CDK14: variants seen among roughly 807,000 people sequenced by gnomAD.
The protein encoded by CDK14 is cyclin-dependent kinase 14.
In CDK14, 34 loss-of-function variants were observed where a neutral mutation model predicts 60.7. That is an observed-to-expected ratio of 0.56 (90% CI 0.43 to 0.75). The LOEUF is 0.75. CDK14 is among the 30% of genes least tolerant of loss of function. CDK14 has a pLI of 0.00. For missense variants in CDK14, 482 were observed against 564.1 expected (o/e 0.85, Z 1.47); for synonymous variants, 197 against 203.7 (o/e 0.97, Z 0.28).
intron 10 of CDK14, among the ~76,000 whole-genome samples, chr7:90,996,967 G>A (rs1795703964): frequency 6.6e-6 from 1 of 152,140 alleles, no homozygotes; most frequent in Non-Finnish European, 1.5e-5. Flanking sequence ...GACACATATG[G>A]TGCTATTAAA....
chr7:90,892,894 T>C (rs1792179470), intron 6 of CDK14, among the ~76,000 whole-genome samples: 1 of 152,218 alleles, frequency 6.6e-6, no homozygotes, highest in Non-Finnish European at 1.5e-5. Flanking sequence ...TTCTCCTGCC[T>C]CTGCCTCCCA....
chr7:91,182,819 A>G (rs1328863516), intron 14 of CDK14, among the ~76,000 whole-genome samples: 1 of 152,146 alleles, frequency 6.6e-6, no homozygotes, highest in Non-Finnish European at 1.5e-5. Context: ...ATATTAGAAA[A>G]CCTAATTTTC....
chr7:90,983,062 A>G (rs1239045751), intron 9 of CDK14, among the ~76,000 whole-genome samples: 1 of 152,192 alleles, frequency 6.6e-6, no homozygotes, highest in Non-Finnish European at 1.5e-5. Flanking sequence ...GATGCTGGCA[A>G]GGCTACAGAG....
At chr7:91,032,231 T>C (rs969329648) in intron 10 of CDK14, among the ~76,000 whole-genome samples, 3 of 152,186 alleles carry the variant, frequency 2.0e-5, no homozygotes, top group African/African-American at 7.2e-5. Context: ...TTATGAGAAG[T>C]TGTTATTCCT....
At chr7:90,924,900 T>A (rs1793368329) in intron 8 of CDK14, among the ~76,000 whole-genome samples, 1 of 152,180 alleles carries the variant, frequency 6.6e-6, no homozygotes, top group Non-Finnish European at 1.5e-5. Context: ...GAATAATTTC[T>A]TCTGTGGTAA....
chr7:90,597,634 C>T (rs995929852), intron 1 of CDK14, among the ~76,000 whole-genome samples: 3 of 152,162 alleles, frequency 2.0e-5, no homozygotes, highest in African/African-American at 7.2e-5. Context: ...TAGGAAGCTG[C>T]CTAGTCTTTG....
In CDK14 at chr7:90,649,433, CT is replaced by C. The variant is rs1563030206; in HGVS notation, c.123+45185del. Among the ~76,000 whole-genome samples, 28 of 68,012 alleles carry C rather than the reference CT, an allele frequency of 4.1e-4. 1 individual carries two copies. Among genetic ancestry groups the C allele is most frequent in the African/African-American group, 9.2e-4 (14 of 15,180 alleles). 44.6% of individuals were successfully genotyped at this position (68,012 alleles called of 152,430 possible). A position where few individuals can be genotyped will look rare whatever the true frequency, so the allele number is the denominator to read the frequency against. On this transcript the variant is annotated intron_variant, in intron 2 of 14. Transcript: ENST00000380050. The stretch of plus-strand genomic sequence containing the variant: ...TCTTTCTTTCTTTCCTTCTTTCTTT[CT>C]CTTTCCTTCCTTCTTTCCTTCTTTA...
At chr7:90,647,408 A>G (rs989941599) in intron 2 of CDK14, among the ~76,000 whole-genome samples, 9 of 152,178 alleles carry the variant, frequency 5.9e-5, no homozygotes, top group African/African-American at 1.9e-4. Context: ...GTTTCAGTCT[A>G]TAAGTGAATC....
intron 9 of CDK14, among the ~76,000 whole-genome samples, chr7:90,957,561 GACAA>G (rs968663786): frequency 3.3e-5 from 5 of 151,742 alleles, no homozygotes; most frequent in Non-Finnish European, 5.9e-5. Flanking sequence ...ACCAACAACA[GACAA>G]ACAGAGAGCC....
At chr7:90,877,330 A>G (rs768672467) in intron 6 of CDK14, among the ~76,000 whole-genome samples, 1 of 152,226 alleles carries the variant, frequency 6.6e-6, no homozygotes, top group Non-Finnish European at 1.5e-5. Context: ...TCTAGTGAGT[A>G]ATTTACTCCT....
chr7:90,994,270 C>T (rs895082906), intron 10 of CDK14, among the ~76,000 whole-genome samples: 45 of 152,292 alleles, frequency 3.0e-4, no homozygotes, highest in African/African-American at 9.4e-4. Flanking sequence ...TCTTCAGAGT[C>T]TTAGGGCTCT....
intron 11 of CDK14, among the ~76,000 whole-genome samples, chr7:91,072,060 C>T (rs912530965): frequency 2.6e-5 from 4 of 152,204 alleles, no homozygotes; most frequent in Admixed American, 6.5e-5. Context: ...ATAGTCTCTG[C>T]AGACCAGCAG....
chr7:91,077,743 TACACAC>T (rs36101608), intron 11 of CDK14, among the ~76,000 whole-genome samples: 3,126 of 148,334 alleles, frequency 0.021, 76 homozygotes, highest in African/African-American at 0.06. Flanking sequence ...TTCACTTTTA[TACACAC>T]ACACACACAC....
chr7:90,952,317 T>A (rs765937605), intron 8 of CDK14, among the ~76,000 whole-genome samples: 1 of 152,138 alleles, frequency 6.6e-6, no homozygotes, highest in Non-Finnish European at 1.5e-5. Flanking sequence ...CAGCAGATAT[T>A]ATCTATAAGA....
intron 10 of CDK14, among the ~76,000 whole-genome samples, chr7:91,033,610 G>A (rs1014766591): frequency 6.6e-6 from 1 of 152,210 alleles, no homozygotes; most frequent in Non-Finnish European, 1.5e-5. Context: ...CACACTTTGA[G>A]CAGCAGGGCT....
At chr7:90,620,090 T>A (rs1045450292) in intron 2 of CDK14, among the ~76,000 whole-genome samples, 4 of 152,186 alleles carry the variant, frequency 2.6e-5, no homozygotes, top group Admixed American at 2.6e-4. Flanking sequence ...ATTAAATGTT[T>A]CTGTAATACA....
At chr7:91,043,841 C>G (rs564553808) in intron 10 of CDK14, among the ~76,000 whole-genome samples, 1 of 152,126 alleles carries the variant, frequency 6.6e-6, no homozygotes, top group African/African-American at 2.4e-5. Context: ...TGTATTTAAT[C>G]CTGATTCACC....
chr7:90,791,626 A>G (rs546166883), intron 5 of CDK14, among the ~76,000 whole-genome samples: 3 of 152,238 alleles, frequency 2.0e-5, no homozygotes, highest in East Asian at 1.9e-4. Context: ...TCTTGTTTCT[A>G]TTTCTACTCT....
intron 2 of CDK14, among the ~76,000 whole-genome samples, chr7:90,664,148 C>G (rs1800923116): frequency 1.3e-5 from 2 of 152,184 alleles, no homozygotes; most frequent in African/African-American, 4.8e-5. Context: ...AGACACTTCT[C>G]AAAAGAGGAC....
Sources: gnomAD v4.1 joint callset for allele counts (sites outside exome capture counted in the v4.1 genomes callset) on GRCh38, gnomAD v4.1.1 for gene constraint, MANE v1.5 for transcripts, NCBI Gene and HGNC (gene_info 2026-07-23, HGNC 2026-07-21) for gene names.